The following XPO7 variants were observed in gnomAD, a reference collection of about 807,000 sequenced individuals.
XPO7 encodes exportin-7.
Under a neutral mutation model 144.3 loss-of-function variants are expected in XPO7, and 21 were observed. That is an observed-to-expected ratio of 0.15 (90% CI 0.10 to 0.21). The LOEUF (loss-of-function observed/expected upper bound fraction) is 0.21. Ranked by LOEUF, XPO7 falls within the 10% of genes least tolerant of loss-of-function variation. The pLI is 1.00. For missense variants in XPO7, 808 were observed against 1,325.8 expected (o/e 0.61, Z 6.06); for synonymous variants, 580 against 499.6 (o/e 1.16, Z -2.15).
At chr8:21,958,564 G>A (rs1811615269) in intron 1 of XPO7, among the ~76,000 whole-genome samples, 1 of 151,434 alleles carries the variant, frequency 6.6e-6, no homozygotes, top group African/African-American at 2.4e-5. Flanking sequence ...ATGTTAAGCA[G>A]TGAAATTACC....
In XPO7 at chr8:21,969,471, C is replaced by CT. The variant is rs760681483; in HGVS notation, c.166-11dup. 6.2e-7 allele frequency: 1 copy of CT among 1,609,882 alleles called. No homozygotes were observed. Among genetic ancestry groups the CT allele is most frequent in the South Asian group, 1.1e-5 (1 of 90,552 alleles). ...ATACAATTTTAAGTCCTTTTTCCCT[C>CT]TCTTTTCACAGTCCTCTTACTCCCA... is the stretch of plus-strand genomic sequence containing the variant. On this transcript the variant is annotated splice_polypyrimidine_tract_variant and intron_variant, in intron 2 of 27. Transcript: ENST00000252512.
At chr8:21,925,186 C>T (rs180988928) in intron 1 of XPO7, among the ~76,000 whole-genome samples, 208 of 152,258 alleles carry the variant, frequency 1.4e-3, no homozygotes, top group African/African-American at 4.7e-3. Context: ...GGGATTGGTA[C>T]CCAGGAGGCA....
chr8:21,996,045 G>A (rs1370258052), intron 21 of XPO7, among the ~76,000 whole-genome samples: 1 of 152,196 alleles, frequency 6.6e-6, no homozygotes, highest in Non-Finnish European at 1.5e-5. Context: ...TCGATCTCCT[G>A]ACCTCGTGAT....
At chr8:21,928,625 C>T (rs904657852) in intron 1 of XPO7, among the ~76,000 whole-genome samples, 1 of 152,194 alleles carries the variant, frequency 6.6e-6, no homozygotes, top group Non-Finnish European at 1.5e-5. Context: ...TGATGACTAA[C>T]ATGTTGAGTA....
intron 1 of XPO7, 22 bp downstream of exon 1, chr8:21,919,810 AG>A: frequency 1.2e-5 from 5 of 422,426 alleles, no homozygotes; most frequent in Non-Finnish European, 1.9e-5. Context: ...CGCGGGGGGG[AG>A]GGGGCGACCA....
chr8:21,992,981 C>G (rs1812819193), intron 19 of XPO7, among the ~76,000 whole-genome samples: 1 of 152,154 alleles, frequency 6.6e-6, no homozygotes, highest in South Asian at 2.1e-4. Context: ...CATTCTAAAG[C>G]TCTCCTTTTT....
chr8:21,985,480 C>T (rs1812548114), intron 12 of XPO7, 106 bp from the exon 13 acceptor site: 3 of 1,071,518 alleles, frequency 2.8e-6, no homozygotes, highest in South Asian at 1.3e-5. Context: ...AAAAGTAAGA[C>T]TTCATGGTTT....
chr8:21,927,859 T>C (rs1040650613), intron 1 of XPO7, among the ~76,000 whole-genome samples: 2 of 152,200 alleles, frequency 1.3e-5, no homozygotes, highest in African/African-American at 2.4e-5. Context: ...CAACTTCTTA[T>C]CTATTCCTCC....
rs1295935717 is a variant in XPO7, at chr8:22,002,042, CA to C, written c.2783-67del. 9 of 1,520,118 alleles carry C rather than the reference CA, an allele frequency of 5.9e-6. No homozygotes were observed. The Admixed American group carries it at 8.2e-5, about 14-fold the overall frequency. The allele number at this position is 1,520,118 out of a possible 1,614,324, so 94.2% of individuals were successfully genotyped here. A position where few individuals can be genotyped will look rare whatever the true frequency, so the allele number is the denominator to read the frequency against. On this transcript the variant is annotated intron_variant, in intron 24 of 27. Transcript: ENST00000252512. Reference sequence around the variant, plus strand: ...CCACGGTACCCTAATGGATCTCACCCAAAGATAGTCCATATTTGTCCAGGCC... The same window carrying C: ...CCACGGTACCCTAATGGATCTCACCCAAGATAGTCCATATTTGTCCAGGCC...
chr8:21,923,921 T>A (rs1810375148), intron 1 of XPO7, among the ~76,000 whole-genome samples: 1 of 152,236 alleles, frequency 6.6e-6, no homozygotes, highest in Non-Finnish European at 1.5e-5. Context: ...AGGAAGATAG[T>A]GTTTTGAAAC....
intron 11 of XPO7, 128 bp downstream of exon 11, chr8:21,982,940 C>G: frequency 8.4e-7 from 1 of 1,187,466 alleles, no homozygotes; most frequent in Non-Finnish European, 1.2e-6. Context: ...GTTCATGGTT[C>G]TTCTTCCTTG....
At chr8:21,990,679 A>G (rs1812742314) in intron 17 of XPO7, 132 bp from the exon 18 acceptor site, 2 of 991,344 alleles carry the variant, frequency 2.0e-6, no homozygotes, top group Non-Finnish European at 3.0e-6. Flanking sequence ...AAAAAAAAAA[A>G]AACCTTCAGA....
At chr8:21,981,951 A>C in intron 10 of XPO7, 74 bp downstream of exon 10, 1 of 1,575,638 alleles carries the variant, frequency 6.3e-7, no homozygotes. Flanking sequence ...ACCATGTAAG[A>C]ATATATTTTT....
intron 21 of XPO7, among the ~76,000 whole-genome samples, chr8:21,998,461 T>C (rs915098322): frequency 2.0e-4 from 31 of 152,268 alleles, no homozygotes; most frequent in African/African-American, 7.2e-4. Flanking sequence ...AAGTATACTT[T>C]AATCAAATAA....
chr8:21,950,822 T>C (rs1811345218), intron 1 of XPO7, among the ~76,000 whole-genome samples: 1 of 152,094 alleles, frequency 6.6e-6, no homozygotes, highest in Non-Finnish European at 1.5e-5. Flanking sequence ...CGTAAATTTA[T>C]ATAGAAAATG....
intron 13 of XPO7, among the ~76,000 whole-genome samples, chr8:21,986,090 C>A (rs1192558159): frequency 6.6e-6 from 1 of 151,120 alleles, no homozygotes; most frequent in Non-Finnish European, 1.5e-5. Context: ...CTTGGCCATA[C>A]ATTTCAAGTT....
At chr8:21,929,368 A>G (rs1810568703) in intron 1 of XPO7, among the ~76,000 whole-genome samples, 1 of 152,222 alleles carries the variant, frequency 6.6e-6, no homozygotes, top group Admixed American at 6.5e-5. Flanking sequence ...TTATCCATGT[A>G]TGTCCTGTTC....
chr8:21,978,346 G>A (rs143286448), intron 8 of XPO7, among the ~76,000 whole-genome samples: 24 of 152,262 alleles, frequency 1.6e-4, no homozygotes, highest in Non-Finnish European at 2.8e-4. Context: ...ATTCATTCAC[G>A]TTCTAAAATA....
intron 13 of XPO7, among the ~76,000 whole-genome samples, chr8:21,986,498 C>T (rs1012151720): frequency 6.6e-6 from 1 of 152,070 alleles, no homozygotes; most frequent in Non-Finnish European, 1.5e-5. Flanking sequence ...CTCTTTCCAC[C>T]CCCATTTTGT....
Sources: allele counts gnomAD v4.1 joint callset (sites outside exome capture counted in the v4.1 genomes callset), GRCh38; gene constraint gnomAD v4.1.1; transcripts MANE v1.5; gene names NCBI Gene and HGNC (gene_info 2026-07-23, HGNC 2026-07-21).